The following HFM1 variants were observed in gnomAD, a reference collection of about 807,000 sequenced individuals.
HFM1 encodes the protein helicase for meiosis 1.
A neutral mutation model predicts 192.1 loss-of-function variants in HFM1; 169 were observed. That is an observed-to-expected ratio of 0.88 (90% CI 0.78 to 1.00). HFM1 has a LOEUF of 1.00. Ranked by LOEUF, HFM1 falls within the 50% of genes least tolerant of loss-of-function variation. The pLI, the probability that HFM1 is intolerant of heterozygous loss-of-function variation, is 0.00. For missense variants in HFM1, 1,661 were observed against 1,668.0 expected (o/e 1.00, Z 0.07); for synonymous variants, 525 against 537.8 (o/e 0.98, Z 0.33).
chr1:91,312,740 CAT>C (rs990215571), intron 30 of HFM1, among the ~76,000 whole-genome samples: 1 of 152,048 alleles, frequency 6.6e-6, no homozygotes, highest in African/African-American at 2.4e-5. Flanking sequence ...AATGTGAGGA[CAT>C]GAGATTTGGA....
chr1:91,331,576 G>C (rs971202409), intron 20 of HFM1, among the ~76,000 whole-genome samples: 5 of 152,174 alleles, frequency 3.3e-5, no homozygotes, highest in Non-Finnish European at 5.9e-5. Context: ...ATTAATGAAA[G>C]AAGTGAAAGA....
At chr1:91,382,811 C>T (rs543313805) in intron 6 of HFM1, among the ~76,000 whole-genome samples, 1 of 152,292 alleles carries the variant, frequency 6.6e-6, no homozygotes, top group East Asian at 1.9e-4. Context: ...CATCATTTAT[C>T]ATCACTATCA....
intron 30 of HFM1, among the ~76,000 whole-genome samples, chr1:91,302,528 C>G (rs1648950370): frequency 6.6e-6 from 1 of 152,056 alleles, no homozygotes; most frequent in Non-Finnish European, 1.5e-5. Context: ...GACTTGGAAC[C>G]AACCCAAATG....
chr1:91,261,818 A>G (rs1665185764), intron 38 of HFM1: 1 of 155,424 alleles, frequency 6.4e-6, no homozygotes, highest in Non-Finnish European at 1.4e-5. Flanking sequence ...AATGGCCAGC[A>G]GTGGGGGAAC....
intron 30 of HFM1, among the ~76,000 whole-genome samples, chr1:91,303,506 C>G (rs1381871038): frequency 6.6e-6 from 1 of 152,096 alleles, no homozygotes; most frequent in Non-Finnish European, 1.5e-5. Context: ...AATATGTTTT[C>G]AATTCTTTTG....
intron 28 of HFM1, 74 bp from the exon 29 acceptor site, chr1:91,314,134 T>C (rs1284852985): frequency 3.3e-6 from 3 of 902,634 alleles, no homozygotes; most frequent in Non-Finnish European, 5.2e-6. Flanking sequence ...GGGCTGATTG[T>C]TCTTAAGAAA....
At chr1:91,311,895 T>C (rs573483824) in intron 30 of HFM1, among the ~76,000 whole-genome samples, 1 of 152,176 alleles carries the variant, frequency 6.6e-6, no homozygotes, top group Non-Finnish European at 1.5e-5. Flanking sequence ...AGCCTAGGGA[T>C]TTGGTGTCCT....
chr1:91,319,068 C>G lies in HFM1; in HGVS notation c.2812+10G>C, dbSNP rs777610726. ...CATGGCCAAACTGCCTGCCTGTATT[C>G]AGTACCTACCAATTTTTTCCAGTTG... On this transcript the variant is annotated intron_variant, in intron 25 of 38. Coordinates refer to ENST00000370425, the MANE Select transcript of HFM1 (RefSeq NM_001017975.6). 4 of 1,581,754 alleles carry G rather than the reference C, an allele frequency of 2.5e-6. No individual in the cohort carries two copies. The highest frequency in any genetic ancestry group is 3.4e-6 in the Non-Finnish European group (4 of 1,170,846).
chr1:91,326,404 T>C (rs933268692), intron 20 of HFM1, among the ~76,000 whole-genome samples: 18 of 152,108 alleles, frequency 1.2e-4, no homozygotes, highest in African/African-American at 4.3e-4. Context: ...CCAATGTGTC[T>C]GGCAGCAGAC....
At chr1:91,287,069 C>A (rs1300875096) in intron 30 of HFM1, among the ~76,000 whole-genome samples, 2 of 152,128 alleles carry the variant, frequency 1.3e-5, no homozygotes, top group Non-Finnish European at 2.9e-5. Flanking sequence ...TGCAAGGCGG[C>A]AGCGAGGCTG....
At chr1:91,341,666 T>G (rs1655354228) in intron 20 of HFM1, among the ~76,000 whole-genome samples, 1 of 151,554 alleles carries the variant, frequency 6.6e-6, no homozygotes, top group Admixed American at 6.6e-5. Context: ...TTTGAAAGAA[T>G]AAATAAGATT....
chr1:91,263,300 G>C (rs1044272364), intron 36 of HFM1, among the ~76,000 whole-genome samples: 1 of 152,150 alleles, frequency 6.6e-6, no homozygotes, highest in African/African-American at 2.4e-5. Context: ...GACACCTGAA[G>C]GCTAAAATGT....
chr1:91,403,082 C>T (rs975173320), intron 1 of HFM1, among the ~76,000 whole-genome samples: 1 of 152,070 alleles, frequency 6.6e-6, no homozygotes, highest in Non-Finnish European at 1.5e-5. Context: ...TCTAAAACTG[C>T]ATCCTCTCAT....
At chr1:91,349,560 T>C (rs1656659181) in intron 18 of HFM1, among the ~76,000 whole-genome samples, 1 of 152,200 alleles carries the variant, frequency 6.6e-6, no homozygotes, top group South Asian at 2.1e-4. Flanking sequence ...AAGATCCACC[T>C]GGCAAAAGAC....
intron 13 of HFM1, among the ~76,000 whole-genome samples, chr1:91,361,329 G>A (rs1658479829): frequency 6.6e-6 from 1 of 151,798 alleles, no homozygotes; most frequent in Admixed American, 6.6e-5. Context: ...GAAGAAAGGA[G>A]AGAAGGATCA....
chr1:91,331,987 C>G (rs915463602), intron 20 of HFM1, among the ~76,000 whole-genome samples: 1 of 152,058 alleles, frequency 6.6e-6, no homozygotes, highest in Non-Finnish European at 1.5e-5. Flanking sequence ...ATTCCATGTT[C>G]ATGGATTGGA....
intron 3 of HFM1, among the ~76,000 whole-genome samples, chr1:91,395,824 T>C (rs191351892): frequency 2.9e-4 from 44 of 151,962 alleles, no homozygotes; most frequent in African/African-American, 1.1e-3. Context: ...ACAACAAATA[T>C]GTGATAATTT....
In HFM1 at chr1:91,323,175, C is replaced by A; in HGVS notation, c.2452G>T (p.Glu818Ter). 1 of 1,580,604 alleles carries A rather than the reference C, an allele frequency of 6.3e-7. No individual in the cohort carries two copies. Among genetic ancestry groups the A allele is most frequent in the South Asian group, 1.1e-5 (1 of 88,436 alleles). Residue 818 changes from glutamate (E) to a stop codon, truncating the protein, a stop_gained, in exon 22 of 39, where the codon GAA becomes TAA. Coordinates refer to ENST00000370425, the MANE Select transcript of HFM1 (RefSeq NM_001017975.6). LOFTEE classifies it high-confidence loss of function. ...DLVTLIAGCK[E>*]FLDIQLRINE... is the part of the protein sequence containing the mutation. ...ATCCTTAACTGTATATCTAGAAATT[C>A]CTTGCAGCCAGCTATCAATGTAACC...
chr1:91,364,832 A>T (rs1659065710), intron 13 of HFM1, among the ~76,000 whole-genome samples: 1 of 151,162 alleles, frequency 6.6e-6, no homozygotes, highest in African/African-American at 2.4e-5. Flanking sequence ...ATGGGGTTTC[A>T]CCATGTTAGC....
Sources: gnomAD v4.1 joint callset for allele counts (sites outside exome capture counted in the v4.1 genomes callset) on GRCh38, gnomAD v4.1.1 for gene constraint, MANE v1.5 for transcripts, NCBI Gene and HGNC (gene_info 2026-07-23, HGNC 2026-07-21) for gene names.